MAMDC2: variants seen among roughly 807,000 people sequenced by gnomAD.
MAMDC2 encodes the protein MAM domain containing 2.
A neutral mutation model predicts 89.8 loss-of-function variants in MAMDC2; 57 were observed. The observed-to-expected ratio is 0.63, with a 90% CI of 0.51 to 0.79. The LOEUF is 0.79. Ranked by LOEUF, MAMDC2 falls within the 30% of genes least tolerant of loss-of-function variation. The pLI is 0.00. For synonymous variants in MAMDC2, 313 were observed against 293.4 expected (o/e 1.07, Z -0.68); for missense variants, 800 against 820.6 (o/e 0.97, Z 0.31).
chr9:70,191,013 T>TGTAGA (rs533216406), intron 11 of MAMDC2, among the ~76,000 whole-genome samples: 74 of 152,246 alleles, frequency 4.9e-4, no homozygotes, highest in Non-Finnish European at 7.9e-4. Context: ...TCACATCTTT[T>TGTAGA]GTAGAGTATA....
chr9:70,182,729 A>G (rs1444409945), intron 11 of MAMDC2, among the ~76,000 whole-genome samples: 2 of 151,946 alleles, frequency 1.3e-5, no homozygotes, highest in African/African-American at 2.4e-5. Context: ...TATTGCATCT[A>G]TTTGATTCTT....
At chr9:70,140,698 TG>T (rs2031185663) in intron 8 of MAMDC2, among the ~76,000 whole-genome samples, 1 of 152,116 alleles carries the variant, frequency 6.6e-6, no homozygotes. Context: ...GTGATGAAAA[TG>T]ATCTGGAACT....
chr9:70,184,210 CTACTCTCT>C (rs1196248984), intron 11 of MAMDC2, among the ~76,000 whole-genome samples: 1 of 152,060 alleles, frequency 6.6e-6, no homozygotes, highest in Non-Finnish European at 1.5e-5. Flanking sequence ...ATATTGGTCC[CTACTCTCT>C]TCTGGCTTGT....
intron 9 of MAMDC2, among the ~76,000 whole-genome samples, chr9:70,161,242 AG>A (rs1219131187): frequency 2.0e-5 from 3 of 152,214 alleles, no homozygotes; most frequent in East Asian, 3.8e-4. Flanking sequence ...GCAATGAAAA[AG>A]TTCAGCTACA....
At chr9:70,145,206 T>A (rs1346181295) in intron 9 of MAMDC2, among the ~76,000 whole-genome samples, 1 of 152,242 alleles carries the variant, frequency 6.6e-6, no homozygotes, top group Non-Finnish European at 1.5e-5. Context: ...ATTCCTTACG[T>A]GATTTTATCA....
chr9:70,155,015 A>G (rs892731018), intron 9 of MAMDC2, among the ~76,000 whole-genome samples: 9 of 152,000 alleles, frequency 5.9e-5, no homozygotes, highest in African/African-American at 2.2e-4. Context: ...ATGGTCAGTG[A>G]TGTGGTTGCT....
At chr9:70,182,910 T>C (rs2032675656) in intron 11 of MAMDC2, among the ~76,000 whole-genome samples, 1 of 152,218 alleles carries the variant, frequency 6.6e-6, no homozygotes, top group Non-Finnish European at 1.5e-5. Flanking sequence ...TTGTTTGCTC[T>C]TGCTTGTCTA....
intron 2 of MAMDC2, among the ~76,000 whole-genome samples, chr9:70,071,349 C>A (rs1450201076): frequency 3.9e-5 from 6 of 152,162 alleles, no homozygotes; most frequent in Non-Finnish European, 5.9e-5. Context: ...AGAATTTACT[C>A]TATTTTTTTT....
chr9:70,108,370 A>T lies in MAMDC2; in HGVS notation c.308A>T (p.Tyr103Phe). Residue 103 changes from tyrosine to phenylalanine, a missense_variant, in exon 3 of 14, where the codon TAC (tyrosine) becomes TTC (phenylalanine). Tyr to Phe is a conservative substitution (Grantham distance 22). Coordinates refer to ENST00000377182, the MANE Select transcript of MAMDC2 (RefSeq NM_153267.5). ...SLSDPSQLNLYMRFEDESFDR... is the reference protein window; with the variant it reads ...SLSDPSQLNLFMRFEDESFDR... ...TCAGATCCCAGCCAGCTGAACCTCT[A>T]CATGAGATTTGAAGATGAAAGCTTT... 3 of 1,614,098 alleles carry T rather than the reference A, an allele frequency of 1.9e-6. No homozygotes were observed. Among genetic ancestry groups the T allele is most frequent in the Non-Finnish European group, 2.5e-6 (3 of 1,179,966 alleles).
At chr9:70,163,851 G>A (rs2032073367) in intron 9 of MAMDC2, among the ~76,000 whole-genome samples, 1 of 151,262 alleles carries the variant, frequency 6.6e-6, no homozygotes, top group Non-Finnish European at 1.5e-5. Context: ...CTATTTGGGA[G>A]GCTGAAGCAG....
At chr9:70,044,331 TC>T in intron 1 of MAMDC2, 100 bp downstream of exon 1, 1 of 1,326,280 alleles carries the variant, frequency 7.5e-7, no homozygotes, top group Non-Finnish European at 1.1e-6. Flanking sequence ...GGCTGGGCCA[TC>T]CGAGGGCGCC....
At chr9:70,167,907 G>A (rs905776780) in intron 9 of MAMDC2, among the ~76,000 whole-genome samples, 2 of 152,116 alleles carry the variant, frequency 1.3e-5, no homozygotes. Context: ...GCCTCCAGAT[G>A]GCAAATCACC....
At chr9:70,076,655 A>T (rs1429118830) in intron 2 of MAMDC2, among the ~76,000 whole-genome samples, 1 of 152,082 alleles carries the variant, frequency 6.6e-6, no homozygotes, top group Admixed American at 6.6e-5. Flanking sequence ...AACTTTTTTT[A>T]AAGTGTTTTG....
rs535723591 is a variant in MAMDC2 at position 70,226,880 on chromosome 9, T to C, written c.*848T>C. 2 of 152,254 alleles carry C rather than the reference T, an allele frequency of 1.3e-5. No homozygotes were observed. Among genetic ancestry groups the C allele is most frequent in the East Asian group, 3.9e-4 (2 of 5,194 alleles). 9.4% of individuals were successfully genotyped at this position (152,254 alleles called of 1,614,324 possible). On this transcript the variant is annotated 3_prime_UTR_variant, in exon 14 of 14. Coordinates refer to ENST00000377182, the MANE Select transcript of MAMDC2 (RefSeq NM_153267.5). The stretch of plus-strand genomic sequence containing the variant: ...GCAGATATACTAAACTGCTTTTATT[T>C]ACTTGTTTAGAAAATTGTATATATA...
intron 2 of MAMDC2, among the ~76,000 whole-genome samples, chr9:70,076,886 G>T (rs1257837474): frequency 6.6e-6 from 1 of 152,184 alleles, no homozygotes; most frequent in Admixed American, 6.5e-5. Flanking sequence ...AAAGCAGTTT[G>T]TTAGAGCAAA....
At chr9:70,198,179 TATACAC>T (rs1395360253) in intron 11 of MAMDC2, among the ~76,000 whole-genome samples, 528 of 28,882 alleles carry the variant, frequency 0.018, no homozygotes, top group Admixed American at 0.029. Context: ...TATATATATA[TATACAC>T]ACACACACAC....
intron 9 of MAMDC2, among the ~76,000 whole-genome samples, chr9:70,159,468 A>T (rs113894315): frequency 6.6e-6 from 1 of 152,212 alleles, no homozygotes; most frequent in Non-Finnish European, 1.5e-5. Context: ...TTGGGAATCA[A>T]TGAAAATCAG....
chr9:70,217,471 A>G, intron 11 of MAMDC2: 3 of 1,439,404 alleles, frequency 2.1e-6, no homozygotes, highest in Non-Finnish European at 2.9e-6. Context: ...TATAATGGCC[A>G]AGAGGAATCA....
chr9:70,044,224 G>T lies in MAMDC2; in HGVS notation c.27G>T (p.Ala9=), dbSNP rs768565517. Residue 9 remains alanine, a synonymous_variant, in exon 1 of 14, where the codon GCG becomes GCT. Transcript: ENST00000377182. The part of the protein sequence containing the change: MLLRGVLL[A]LQALQLAGAL... ...TGCTGTTAAGGGGCGTCCTCCTGGC[G>T]TTGCAAGGTAAGGCCTGGACCCCGG... 8 of 1,613,124 alleles carry T rather than the reference G, an allele frequency of 5.0e-6. No individual in the cohort carries two copies. In the African/African-American group the frequency reaches 9.3e-5, roughly 19 times the overall value.
Sources: allele counts gnomAD v4.1 joint callset (sites outside exome capture counted in the v4.1 genomes callset), GRCh38; gene constraint gnomAD v4.1.1; transcripts MANE v1.5; gene names NCBI Gene and HGNC (gene_info 2026-07-23, HGNC 2026-07-21).